The following TSC2 variants were observed in gnomAD, a reference collection of about 807,000 sequenced individuals.
TSC2 encodes tuberin.
A neutral mutation model predicts 202.2 loss-of-function variants in TSC2; 29 were observed. The observed-to-expected ratio is 0.14, with a 90% CI of 0.11 to 0.20. The LOEUF is 0.20. Ranked by LOEUF, TSC2 falls within the 10% of genes least tolerant of loss-of-function variation. The pLI is 1.00. For synonymous variants in TSC2, 1,349 were observed against 1,044.0 expected (o/e 1.29, Z -5.63); for missense variants, 2,429 against 2,420.0 (o/e 1.00, Z -0.08).
chr16:2,072,052 A>T, intron 19 of TSC2, 118 bp downstream of exon 19: 1 of 1,479,702 alleles, frequency 6.8e-7, no homozygotes, highest in Non-Finnish European at 9.0e-7. Flanking sequence ...CCTCCCTCAG[A>T]GCTGAGCCTT....
At chr16:2,077,495 C>T in intron 25 of TSC2, 103 bp from the exon 26 acceptor site, 3 of 1,560,450 alleles carry the variant, frequency 1.9e-6, no homozygotes, top group South Asian at 1.1e-5. Context: ...CCATCCTGAC[C>T]CTGTGGCCTG....
chr16:2,053,856 T>C, intron 4 of TSC2: 1 of 485,568 alleles, frequency 2.1e-6, no homozygotes, highest in Non-Finnish European at 4.1e-6. Flanking sequence ...CCCAGGCCTC[T>C]TGGTGTTCCT....
At chr16:2,075,673 C>T (rs2089224314) in intron 22 of TSC2, 126 bp from the exon 23 acceptor site, 1 of 989,722 alleles carries the variant, frequency 1.0e-6, no homozygotes, top group Non-Finnish European at 1.5e-6. Flanking sequence ...AAAGCCACGT[C>T]CGTGTGGCCG....
chr16:2,048,302 T>C, intron 1 of TSC2: 1 of 1,068,458 alleles, frequency 9.4e-7, no homozygotes, highest in Non-Finnish European at 1.4e-6. Context: ...ACGTCGGGGC[T>C]CCCAGGACTT....
rs397515104 is a variant in TSC2, at chr16:2,077,633, A to G, written c.2873A>G (p.Asn958Ser). The G allele has an allele frequency of 2.7e-5, 44 of 1,613,026 alleles. No individual in the cohort carries two copies. In the Admixed American group the frequency reaches 5.3e-4, roughly 20 times the overall value. ...RIARPPKQGL[N>S]NSPPVKEFKE... ...GCCAGACCCCCCAAACAAGGCTTGA[A>G]TAACTCTCCACCCGTGAAAGAATTC... is the stretch of plus-strand genomic sequence containing the variant. Residue 958 changes from asparagine (N) to serine (S), a missense_variant, in exon 26 of 42, where the codon AAT becomes AGT. Asn to Ser is a conservative substitution (Grantham distance 46). Coordinates refer to ENST00000219476, the MANE Select transcript of TSC2 (RefSeq NM_000548.5).
rs750647204 is a variant in TSC2, at chr16:2,048,017, C to T, written c.-78C>T. 5 of 1,454,972 alleles carry T rather than the reference C, an allele frequency of 3.4e-6. No individual in the cohort carries two copies. Among genetic ancestry groups the T allele is most frequent in the African/African-American group, 2.9e-5 (2 of 68,182 alleles). The allele number at this position is 1,454,972 out of a possible 1,614,324, so 90.1% of individuals were successfully genotyped here. On this transcript the variant is annotated 5_prime_UTR_variant, in exon 1 of 42. Transcript: ENST00000219476. ...GCGGCGTCCCGGGGCCAGGGGGGTG[C>T]GCCTTTCTCCGCGTCGGGGCGGCCC...
At chr16:2,072,731 C>T in intron 20 of TSC2, 118 bp from the exon 21 acceptor site, 1 of 1,546,154 alleles carries the variant, frequency 6.5e-7, no homozygotes, top group South Asian at 1.1e-5. Flanking sequence ...GGCAAGAAGG[C>T]TCCCCAGCCC....
At chr16:2,054,049 C>G in intron 4 of TSC2, 1 of 582,030 alleles carries the variant, frequency 1.7e-6, no homozygotes, top group Non-Finnish European at 3.0e-6. Flanking sequence ...CTGCTCTGCG[C>G]CACCCGCTGT....
chr16:2,055,554 G>A (rs373300339), intron 6 of TSC2, 35 bp downstream of exon 6: 2 of 1,587,496 alleles, frequency 1.3e-6, no homozygotes, highest in African/African-American at 1.3e-5. Flanking sequence ...TCTGATAATG[G>A]TCCTAAGTTC....
intron 10 of TSC2, 110 bp from the exon 11 acceptor site, chr16:2,060,560 G>A: frequency 6.4e-7 from 1 of 1,568,308 alleles, no homozygotes; most frequent in East Asian, 2.2e-5. Context: ...AACGTGTGGT[G>A]GGCACTGCGC....
At chr16:2,053,293 G>A (rs372729459) in intron 3 of TSC2, 49 bp from the exon 4 acceptor site, 1 of 1,540,502 alleles carries the variant, frequency 6.5e-7, no homozygotes, top group Non-Finnish European at 8.8e-7. Context: ...GCCGGGGCCA[G>A]GGTTCTTGGA....
At chr16:2,084,827 G>A (rs2090563194) in intron 34 of TSC2, 112 bp downstream of exon 34, 26 of 1,599,600 alleles carry the variant, frequency 1.6e-5, no homozygotes, top group East Asian at 2.2e-5. Context: ...GTGCCCTAGG[G>A]CTGGCTGGAA....
chr16:2,067,525 C>CGAG (rs2151235632), intron 16 of TSC2, among the ~76,000 whole-genome samples: 1 of 145,510 alleles, frequency 6.9e-6, no homozygotes, highest in African/African-American at 2.8e-5. Flanking sequence ...AATCCCAGCA[C>CGAG]TTTGGGAGGC....
intron 32 of TSC2, 188 bp downstream of exon 32, chr16:2,082,692 T>G (rs1233839421): frequency 1.5e-6 from 1 of 681,536 alleles, no homozygotes. Context: ...CCCCTTGACT[T>G]GGTCCCTTTG....
chr16:2,060,053 G>A (rs535254372), intron 10 of TSC2, among the ~76,000 whole-genome samples: 35 of 152,318 alleles, frequency 2.3e-4, no homozygotes, highest in African/African-American at 8.4e-4. Context: ...GGGGGTAGCC[G>A]TTCTCTTGCT....
Position 2,074,420 on chromosome 16 carries a change from C to T in TSC2, c.2545+31C>T, listed in dbSNP as rs45517243. On this transcript the variant is annotated intron_variant, in intron 22 of 41. Coordinates refer to ENST00000219476, the MANE Select transcript of TSC2 (RefSeq NM_000548.5). ...TCCCCGCCCTGCCTGCGCATGCACC[C>T]GAGAGGTTCGGGCTGTGTAACCTGT... is the stretch of plus-strand genomic sequence containing the variant. 1,545 of 1,604,562 alleles carry T rather than the reference C, an allele frequency of 9.6e-4. 13 individuals are homozygous for T. In the African/African-American group the frequency reaches 0.017, roughly 18 times the overall value.
chr16:2,054,271 C>T (rs2085492487), intron 4 of TSC2, 25 bp from the exon 5 acceptor site: 1 of 1,614,056 alleles, frequency 6.2e-7, no homozygotes, highest in Non-Finnish European at 8.5e-7. Context: ...GCAGGCTCTG[C>T]TGATCCTGTG....
At position 2,053,373 on chromosome 16, in the gene TSC2, C is replaced by T. The variant is rs1369594860; in HGVS notation, c.257C>T (p.Ala86Val). ...GTGGAAGCACTCTGGAAGGCGGTCG[C>T]GGATCTGTTGCAGCCGGAGCGGCCG... Reference protein sequence around the residue: ...HAVEALWKAVADLLQPERPLE... With the variant: ...HAVEALWKAVVDLLQPERPLE... Residue 86 changes from alanine to valine, a missense_variant, in exon 4 of 42, where the codon GCG becomes GTG. By Grantham distance (64) the Ala-to-Val change is moderately conservative. Coordinates refer to ENST00000219476, the MANE Select transcript of TSC2 (RefSeq NM_000548.5). 14 of 1,590,932 alleles carry T rather than the reference C, an allele frequency of 8.8e-6. No individual in the cohort carries two copies. Among genetic ancestry groups the T allele is most frequent in the African/African-American group, 4.0e-5 (3 of 74,566 alleles).
At chr16:2,075,914 TGTGCCTCCCAGCC>T (rs1216372239) in intron 23 of TSC2, 22 bp downstream of exon 23, 1 of 1,612,954 alleles carries the variant, frequency 6.2e-7, no homozygotes, top group South Asian at 1.1e-5. Flanking sequence ...CCCCAGGCCC[TGTGCCTCCCAGCC>T]GTGGCCCCCG....
Sources: allele counts gnomAD v4.1 joint callset (sites outside exome capture counted in the v4.1 genomes callset), GRCh38; gene constraint gnomAD v4.1.1; transcripts MANE v1.5; gene names NCBI Gene and HGNC (gene_info 2026-07-23, HGNC 2026-07-21).